Variants in TMEM131 observed in about 807,000 individuals in gnomAD.
The protein encoded by TMEM131 is 2610524E03Rik.
In TMEM131, 66 loss-of-function variants were observed where a neutral mutation model predicts 211.6. The observed-to-expected ratio is 0.31, with a 90% CI of 0.26 to 0.38. The LOEUF is 0.38. TMEM131 is among the 10% of genes least tolerant of loss of function. The pLI, the probability that TMEM131 is intolerant of heterozygous loss-of-function variation, is 1.00. For synonymous variants in TMEM131, 844 were observed against 841.3 expected, an observed-to-expected ratio of 1.00 and a Z score of -0.06; for missense variants, 2,036 against 2,299.3, an observed-to-expected ratio of 0.89 and a Z score of 2.34.
At chr2:97,859,122 G>T (rs1385594702) in intron 5 of TMEM131, among the ~76,000 whole-genome samples, 182 bp downstream of exon 5, 1 of 152,190 alleles carries the variant, frequency 6.6e-6, no homozygotes, top group Non-Finnish European at 1.5e-5. Flanking sequence ...TTAAGCTGTT[G>T]CATGTTGAGA....
intron 31 of TMEM131, 43 bp from the exon 32 acceptor site, chr2:97,776,061 C>T (rs576968508): frequency 6.5e-5 from 90 of 1,391,120 alleles, no homozygotes; most frequent in Non-Finnish European, 7.8e-5. Flanking sequence ...GTTTTTGTTT[C>T]TTTTTTTTTT....
In TMEM131 at chr2:97,909,872, T is replaced by G. The variant is rs575653794; in HGVS notation, c.250-1174A>C. ...CCGTTGAGTCTGGGTGGTAAATGAGTTGGTATTGGTTGAGCTCTTCTATTT... is the reference window on the plus strand; with the variant it reads ...CCGTTGAGTCTGGGTGGTAAATGAGGTGGTATTGGTTGAGCTCTTCTATTT... On this transcript the variant is annotated intron_variant, in intron 2 of 40. Transcript: ENST00000186436. Among the ~76,000 whole-genome samples, 14 of 152,286 alleles carry G rather than the reference T, an allele frequency of 9.2e-5. No individual in the cohort carries two copies. The South Asian group carries it at 2.9e-3, about 32-fold the overall frequency.
chr2:97,892,295 CCTTTT>C (rs1222967996), intron 3 of TMEM131, among the ~76,000 whole-genome samples: 4 of 152,110 alleles, frequency 2.6e-5, no homozygotes, highest in Admixed American at 2.6e-4. Context: ...TTTACCTTTT[CCTTTT>C]ATTAATGGTG....
chr2:97,952,157 CAA>C (rs1321665891), intron 1 of TMEM131, among the ~76,000 whole-genome samples: 23 of 104,636 alleles, frequency 2.2e-4, no homozygotes, highest in Non-Finnish European at 1.4e-4. Flanking sequence ...ACTCCATCTC[CAA>C]AAAAAAAAAA....
At chr2:97,890,197 T>C (rs1449650231) in intron 3 of TMEM131, among the ~76,000 whole-genome samples, 1 of 151,986 alleles carries the variant, frequency 6.6e-6, no homozygotes, top group Non-Finnish European at 1.5e-5. Context: ...GAGCAAGGAG[T>C]AGCATGATCT....
intron 1 of TMEM131, among the ~76,000 whole-genome samples, chr2:97,992,879 G>A (rs1680325801): frequency 6.6e-6 from 1 of 151,974 alleles, no homozygotes; most frequent in Non-Finnish European, 1.5e-5. Flanking sequence ...TTCTATCTCT[G>A]GAAACTCTTT....
intron 11 of TMEM131, among the ~76,000 whole-genome samples, chr2:97,826,682 C>T (rs1263952122): frequency 4.6e-5 from 7 of 151,488 alleles, no homozygotes; most frequent in Admixed American, 3.3e-4. Context: ...AAAAGAGAGA[C>T]AAAAAAGAAG....
chr2:97,892,594 C>G (rs1200723220), intron 3 of TMEM131, among the ~76,000 whole-genome samples: 6 of 152,176 alleles, frequency 3.9e-5, no homozygotes, highest in Non-Finnish European at 8.8e-5. Flanking sequence ...AACTCCTAGT[C>G]TCAAGTGATC....
chr2:97,859,163 A>G (rs1222785839), intron 5 of TMEM131, 141 bp downstream of exon 5: 3 of 868,882 alleles, frequency 3.5e-6, no homozygotes, highest in Non-Finnish European at 3.4e-6. Context: ...AGAAGTAATC[A>G]TTCTTAGGAA....
chr2:97,760,517 A>T (rs1265773102), intron 38 of TMEM131, 76 bp downstream of exon 38: 6 of 1,300,218 alleles, frequency 4.6e-6, no homozygotes, highest in Non-Finnish European at 6.2e-6. Context: ...CCTGAAACCC[A>T]TTTATGGATA....
At chr2:97,992,453 GC>G (rs1372477673) in intron 1 of TMEM131, among the ~76,000 whole-genome samples, 1 of 152,086 alleles carries the variant, frequency 6.6e-6, no homozygotes, top group Non-Finnish European at 1.5e-5. Context: ...ACGTTACCCT[GC>G]CATTTAATTG....
chr2:97,796,219 A>G lies in TMEM131; in HGVS notation c.3199T>C (p.Leu1067=), dbSNP rs988761195. ...SANASRDIII[L]FTPDFTASRV... ...TACACCTTAAAATAAAATACTTACA[A>G]TATGATTATATCTCTAGAAGCATTG... The change falls in exon 28 of 41, where the codon TTG becomes CTG. Residue 1067 remains leucine (L), a splice_region_variant and synonymous_variant. Transcript: ENST00000186436. The G allele has an allele frequency of 4.0e-6, 6 of 1,504,138 alleles. No homozygotes were observed. The highest frequency in any genetic ancestry group is 1.3e-5 in the South Asian group (1 of 79,508). 93.2% of individuals were successfully genotyped at this position (1,504,138 alleles called of 1,614,324 possible). A position where few individuals can be genotyped will look rare whatever the true frequency, so the allele number is the denominator to read the frequency against.
intron 1 of TMEM131, among the ~76,000 whole-genome samples, chr2:97,966,026 C>G (rs1679039920): frequency 6.6e-6 from 1 of 151,402 alleles, no homozygotes; most frequent in Admixed American, 6.6e-5. Flanking sequence ...TGAACAAAAG[C>G]AATTTTTTAA....
At chr2:97,798,350 C>T (rs1333264180) in intron 25 of TMEM131, among the ~76,000 whole-genome samples, 1 of 152,186 alleles carries the variant, frequency 6.6e-6, no homozygotes. Flanking sequence ...CTATAAACAT[C>T]CACCAGTTCT....
At chr2:97,866,152 A>AT (rs1674263733) in intron 4 of TMEM131, among the ~76,000 whole-genome samples, 1 of 152,214 alleles carries the variant, frequency 6.6e-6, no homozygotes, top group Admixed American at 6.5e-5. Context: ...AAGTGCAGGG[A>AT]TTACAGGCGT....
chr2:97,930,972 C>A (rs1435430426), intron 1 of TMEM131, among the ~76,000 whole-genome samples: 2 of 151,722 alleles, frequency 1.3e-5, no homozygotes, highest in Non-Finnish European at 2.9e-5. Context: ...TAAAGAAATA[C>A]ACACAGAGAG....
chr2:97,808,387 C>T (rs888017361), intron 19 of TMEM131, among the ~76,000 whole-genome samples: 1 of 152,178 alleles, frequency 6.6e-6, no homozygotes, highest in African/African-American at 2.4e-5. Flanking sequence ...TTTACATCTG[C>T]CCTGGTATTC....
At chr2:97,797,007 C>G (rs1263211854) in intron 26 of TMEM131, 21 bp from the exon 27 acceptor site, 9 of 1,602,448 alleles carry the variant, frequency 5.6e-6, no homozygotes, top group Non-Finnish European at 6.8e-6. Flanking sequence ...ATGAGAATTA[C>G]AGATTTTTCT....
intron 4 of TMEM131, among the ~76,000 whole-genome samples, chr2:97,882,717 C>T (rs575766037): frequency 1.1e-4 from 16 of 152,248 alleles, no homozygotes; most frequent in Admixed American, 5.2e-4. Flanking sequence ...AACCCATGTG[C>T]GTGTATATAT....
Sources: allele counts gnomAD v4.1 joint callset (sites outside exome capture counted in the v4.1 genomes callset), GRCh38; gene constraint gnomAD v4.1.1; transcripts MANE v1.5; gene names NCBI Gene and HGNC (gene_info 2026-07-23, HGNC 2026-07-21).